The following TOP3B variants were observed in gnomAD, a reference collection of about 807,000 sequenced individuals.
The protein encoded by TOP3B is DNA topoisomerase 3-beta-1.
TOP3B carries 45 observed loss-of-function variants against 93.9 expected under a neutral mutation model. The ratio of observed to expected loss-of-function variants is 0.48; its 90% CI spans 0.38 to 0.61. The LOEUF is 0.61. TOP3B is among the 20% of genes least tolerant of loss of function. The probability of loss-of-function intolerance (pLI) is 0.00; values close to 1 mark genes in which losing one functional copy is unlikely to be tolerated. For missense variants in TOP3B, 750 were observed against 1,156.1 expected, an observed-to-expected ratio of 0.65 and a Z score of 5.09; for synonymous variants, 357 against 472.6, an observed-to-expected ratio of 0.76 and a Z score of 3.17.
rs1398077231 is a variant in TOP3B at position 21,968,669 on chromosome 22, C to T, written c.688G>A (p.Asp230Asn). Residue 230 changes from aspartate to asparagine, a missense_variant, in exon 7 of 18, where the codon GAT (aspartate) becomes AAT (asparagine). Physicochemically the swap from Asp to Asn is conservative, Grantham distance 23. Around this residue, in one of 4 missense-constraint regions of TOP3B, gnomAD observed 737 missense variants for 933.7 expected, o/e 0.79. Transcript: ENST00000357179. ...PTLGFCVERH[D>N]KIQSFKPETY... ...TCTGGTTTGAAGGACTGGATTTTAT[C>T]ATGTCTCTCCACACAGAATCCCAGG... 6.2e-7 allele frequency: 1 copy of T among 1,614,208 alleles called. No homozygotes were observed.
rs1028590695 is a variant in TOP3B at position 21,970,711 on chromosome 22, C to T, written c.385-305G>A. On this transcript the variant is annotated intron_variant, in intron 5 of 17. Transcript: ENST00000357179. The surrounding 1 kb of genome is among the most constrained non-coding windows in gnomAD (Gnocchi z 4.4). ...CTCTCTTCTAATCCTCTGCTTTCATCCCCACCAAATCAGGAAATGCTACTG... is the reference window on the plus strand; with the variant it reads ...CTCTCTTCTAATCCTCTGCTTTCATTCCCACCAAATCAGGAAATGCTACTG... 2.4e-6 allele frequency: 1 copy of T among 412,230 alleles called. No individual in the cohort carries two copies. The highest frequency in any genetic ancestry group is 2.8e-5 in the South Asian group (1 of 35,996). 25.5% of individuals were successfully genotyped at this position (412,230 alleles called of 1,614,324 possible).
chr22:21,977,501 C>G (rs1232767091), intron 1 of TOP3B: 1 of 131,806 alleles, frequency 7.6e-6, no homozygotes, highest in Non-Finnish European at 1.5e-5. Flanking sequence ...TGCACTCCAG[C>G]TTGTACAACA....
Position 21,958,922 on chromosome 22 carries a change from G to A in TOP3B, c.1905+210C>T, listed in dbSNP as rs573102465. The A allele has an allele frequency of 4.1e-5, 42 of 1,024,280 alleles. No homozygotes were observed. In the African/African-American group the frequency reaches 6.1e-4, roughly 15 times the overall value. The allele number at this position is 1,024,280 out of a possible 1,614,324, so 63.4% of individuals were successfully genotyped here. Reference sequence around the variant, plus strand: ...ATGATGGCAAGTGGCATGGTGTTAGGGAAAAATGCACCATGTGTGTTTGCG... The same window carrying A: ...ATGATGGCAAGTGGCATGGTGTTAGAGAAAAATGCACCATGTGTGTTTGCG... On this transcript the variant is annotated intron_variant, in intron 16 of 17. Transcript: ENST00000357179.
At chr22:21,979,909 C>T (rs937864025) in intron 1 of TOP3B, among the ~76,000 whole-genome samples, 43 of 140,306 alleles carry the variant, frequency 3.1e-4, no homozygotes, top group Non-Finnish European at 5.9e-4. Context: ...CCACTGCACT[C>T]CAGCCTGGGC....
At chr22:21,979,291 G>A (rs960091918) in intron 1 of TOP3B, among the ~76,000 whole-genome samples, 1 of 152,040 alleles carries the variant, frequency 6.6e-6, no homozygotes, top group Non-Finnish European at 1.5e-5. Flanking sequence ...AGGCACAAGA[G>A]CAGGAAGTGG....
Position 21,962,414 on chromosome 22 carries a change from G to A in TOP3B, c.1525+15C>T, listed in dbSNP as rs773319779. The A allele has an allele frequency of 1.2e-6, 2 of 1,612,944 alleles. No individual in the cohort carries two copies. Among genetic ancestry groups the A allele is most frequent in the Non-Finnish European group, 8.5e-7 (1 of 1,180,016 alleles). ...GAGACGGAGCCGGCTCTGGGGCCTG[G>A]GCAGGCGCACCCACCGATGCCATGC... On this transcript the variant is annotated intron_variant, in intron 13 of 17. Transcript: ENST00000357179.
Position 21,974,484 on chromosome 22 carries a change from G to A in TOP3B, c.75C>T (p.Ser25=). The change falls in exon 3 of 18, where the codon AGC becomes AGT. Residue 25 remains serine (S), a synonymous_variant. Coordinates refer to ENST00000357179, the MANE Select transcript of TOP3B (RefSeq NM_001282112.2). ...CGTTCAGCCCTTTGTGTGAGGACAG[G>A]CTCCCTGGGGATGAGGAAGCACAAA... ...QSIAKILSRG[S]LSSHKGLNGA... 2 of 1,606,428 alleles carry A rather than the reference G, an allele frequency of 1.2e-6. No individual in the cohort carries two copies. The highest frequency in any genetic ancestry group is 1.7e-6 in the Non-Finnish European group (2 of 1,175,792).
rs75725416 is a variant in TOP3B, at chr22:21,975,174, C to T, written c.70+466G>A. The T allele has an allele frequency of 2.1e-3, 324 of 153,998 alleles. 2 individuals carry two copies. The highest frequency in any genetic ancestry group is 3.4e-3 in the Middle Eastern group (1 of 298). 9.5% of individuals were successfully genotyped at this position (153,998 alleles called of 1,614,324 possible). ...GGGGTGAGTGGCAGACATTCCCTCT[C>T]GAGCTCCCTGGTGTCTCAGTAGTGC... On this transcript the variant is annotated intron_variant, in intron 2 of 17. Coordinates refer to ENST00000357179, the MANE Select transcript of TOP3B (RefSeq NM_001282112.2).
At chr22:21,981,077 G>T (rs2084621340) in intron 1 of TOP3B, among the ~76,000 whole-genome samples, 1 of 152,216 alleles carries the variant, frequency 6.6e-6, no homozygotes, top group Non-Finnish European at 1.5e-5. Context: ...GAGGGGCATT[G>T]TTCTGTGAGG....
chr22:21,960,173 C>T (rs913184738), intron 14 of TOP3B, 148 bp downstream of exon 14: 8 of 1,230,114 alleles, frequency 6.5e-6, no homozygotes, highest in Admixed American at 5.8e-5. Flanking sequence ...CCTGGGGCAG[C>T]ACCCCTTCAG....
Position 21,965,304 on chromosome 22 carries a change from A to G in TOP3B, c.924T>C (p.Arg308=). ...PLALNTVEML[R]VASSSLGMGP... is the part of the protein sequence containing the mutation. ...ACATACCCAGAGAAGAGCTGGCCAC[A>G]CGCAGCATCTCCACAGTGTTCAGGG... Residue 308 remains arginine, a synonymous_variant, in exon 9 of 18, where the codon CGT becomes CGC. Coordinates refer to ENST00000357179, the MANE Select transcript of TOP3B (RefSeq NM_001282112.2). 1 of 1,599,944 alleles carries G rather than the reference A, an allele frequency of 6.3e-7. No individual in the cohort carries two copies. Among genetic ancestry groups the G allele is most frequent in the South Asian group, 1.1e-5 (1 of 88,966 alleles).
intron 3 of TOP3B, 158 bp downstream of exon 3, chr22:21,974,199 C>T (rs2071762909): frequency 2.1e-6 from 2 of 939,908 alleles, no homozygotes; most frequent in Admixed American, 6.1e-5. Context: ...GGGCACCGCA[C>T]CAGGGACCCT....
chr22:21,958,759 T>C, intron 16 of TOP3B, 66 bp from the exon 17 acceptor site: 1 of 1,495,756 alleles, frequency 6.7e-7, no homozygotes, highest in Non-Finnish European at 8.9e-7. Context: ...CCACCCCCAC[T>C]CCTCTCATAA....
intron 15 of TOP3B, 72 bp downstream of exon 15, chr22:21,959,515 G>C (rs1020390727): frequency 6.5e-7 from 1 of 1,530,626 alleles, no homozygotes; most frequent in African/African-American, 1.4e-5. Context: ...TGGGGACCTG[G>C]GTCCCCAGGT....
Position 21,960,428 on chromosome 22 carries a change from A to G in TOP3B, c.1547T>C (p.Val516Ala), listed in dbSNP as rs1307289581. Residue 516 changes from valine (V) to alanine (A), a missense_variant, in exon 14 of 18, where the codon GTG becomes GCG. Around this residue, in one of 4 missense-constraint regions of TOP3B, gnomAD observed 737 missense variants for 933.7 expected, o/e 0.79. Coordinates refer to ENST00000357179, the MANE Select transcript of TOP3B (RefSeq NM_001282112.2). The stretch of plus-strand genomic sequence containing the variant: ...GCGCTGGCAGATGTTGTTGATATGC[A>G]CAGGGATGCTGGCATCCGTGCCTGC... ...HGIGTDASIP[V>A]HINNICQRNY... 6.2e-7 allele frequency: 1 copy of G among 1,613,416 alleles called. No homozygotes were observed. The highest frequency in any genetic ancestry group is 2.2e-5 in the East Asian group (1 of 44,846).
intron 16 of TOP3B, 184 bp from the exon 17 acceptor site, chr22:21,958,877 C>CT (rs2071043784): frequency 8.8e-7 from 1 of 1,141,554 alleles, no homozygotes; most frequent in East Asian, 2.6e-5. Context: ...TCTAAAATCT[C>CT]TGTGTGTACA....
chr22:21,972,752 G>A (rs750511913), intron 3 of TOP3B, 34 bp from the exon 4 acceptor site: 2 of 1,559,004 alleles, frequency 1.3e-6, no homozygotes, highest in South Asian at 1.1e-5. Context: ...TGAGTCACAG[G>A]AGCTCAGCCT....
At chr22:21,959,267 C>G in intron 15 of TOP3B, 35 bp from the exon 16 acceptor site, 1 of 1,607,040 alleles carries the variant, frequency 6.2e-7, no homozygotes, top group Non-Finnish European at 8.5e-7. Context: ...TCATCTCCCT[C>G]CCAGTCCCCA....
chr22:21,960,197 A>T, intron 14 of TOP3B, 124 bp downstream of exon 14: 1 of 1,415,158 alleles, frequency 7.1e-7, no homozygotes, highest in Non-Finnish European at 9.7e-7. Flanking sequence ...GTGTTGAGGG[A>T]GTGTGTGTGG....
Sources: gnomAD v4.1 joint callset for allele counts (sites outside exome capture counted in the v4.1 genomes callset) on GRCh38, gnomAD v4.1.1 for gene constraint, gnomAD v4.1.1 regional missense constraint, Gnocchi (gnomAD v3.1) non-coding constraint, MANE v1.5 for transcripts, NCBI Gene and HGNC (gene_info 2026-07-23, HGNC 2026-07-21) for gene names.